Variants in MYO18B observed in about 807,000 individuals in gnomAD.
MYO18B encodes the protein unconventional myosin-XVIIIb.
MYO18B carries 204 observed loss-of-function variants against 273.0 expected under a neutral mutation model. The observed-to-expected ratio is 0.75, with a 90% CI of 0.67 to 0.84. The LOEUF (loss-of-function observed/expected upper bound fraction) is 0.84. Ranked by LOEUF, MYO18B falls within the 40% of genes least tolerant of loss-of-function variation. The pLI, the probability that MYO18B is intolerant of heterozygous loss-of-function variation, is 0.00. For synonymous variants in MYO18B, 1,330 were observed against 1,305.7 expected (o/e 1.02, Z -0.40); for missense variants, 3,212 against 3,287.6 (o/e 0.98, Z 0.56).
rs1465756028 is a variant in MYO18B, at chr22:25,828,944, C to G, written c.2955C>G (p.Val985=). ...LQLLFYQRTF[V]STLQRYQEEG... is the part of the protein sequence containing the mutation. ...TGCTGTTCTACCAGCGGACCTTTGT[C>G]TCCACGCTACAGCGATATCAAGAGG... The change falls in exon 15 of 44, where the codon GTC becomes GTG. Residue 985 remains valine, a synonymous_variant. Coordinates refer to ENST00000335473, the MANE Select transcript of MYO18B (RefSeq NM_032608.7). 4 of 1,613,888 alleles carry G rather than the reference C, an allele frequency of 2.5e-6. No individual in the cohort carries two copies. Among genetic ancestry groups the G allele is most frequent in the Non-Finnish European group, 3.4e-6 (4 of 1,179,912 alleles).
Position 25,828,848 on chromosome 22 carries a change from G to A in MYO18B, c.2859G>A (p.Arg953=), listed in dbSNP as rs774040962. The change falls in exon 15 of 44, where the codon CGG becomes CGA. Residue 953 remains arginine (R), a synonymous_variant. Transcript: ENST00000335473. ...VVDSPGFQNP[R]HQGKDRAATF... is the part of the protein sequence containing the mutation. ...ACTCTCCAGGCTTCCAGAACCCCCG[G>A]CACCAGGGCAAGGACCGGGCGGCCA... is the stretch of plus-strand genomic sequence containing the variant. The A allele has an allele frequency of 1.2e-6, 2 of 1,613,890 alleles. No homozygotes were observed. Among genetic ancestry groups the A allele is most frequent in the Non-Finnish European group, 1.7e-6 (2 of 1,179,872 alleles).
chr22:26,011,293 T>C (rs2146947167), intron 42 of MYO18B, among the ~76,000 whole-genome samples: 1 of 152,214 alleles, frequency 6.6e-6, no homozygotes, highest in African/African-American at 2.4e-5. Context: ...AATGCAAGCC[T>C]GAGTGAGCCT....
chr22:26,045,165 T>G, the MYO18B span, among the ~76,000 whole-genome samples: 2 of 152,114 alleles, frequency 1.3e-5, no homozygotes, highest in East Asian at 3.9e-4. Flanking sequence ...CTGCTTGCTC[T>G]CTTGTGTCTC....
intron 34 of MYO18B, among the ~76,000 whole-genome samples, chr22:25,931,924 A>G (rs533776081): frequency 1.3e-5 from 2 of 150,496 alleles, no homozygotes; most frequent in African/African-American, 4.9e-5. Flanking sequence ...TTTTGTAGAG[A>G]TGAGGTTTCA....
chr22:25,898,765 G>A (rs906425751), intron 29 of MYO18B: 6 of 304,022 alleles, frequency 2.0e-5, no homozygotes, highest in African/African-American at 4.3e-5. Context: ...TGTTGCAGAC[G>A]GTCAAGACAG....
downstream of MYO18B, among the ~76,000 whole-genome samples, chr22:26,032,707 G>C (rs9613088): frequency 1.3e-5 from 2 of 151,850 alleles, no homozygotes; most frequent in African/African-American, 4.8e-5. Flanking sequence ...TTTTTTAGTA[G>C]AGACAGTGTT....
At chr22:25,857,283 T>C (rs1405093086) in intron 21 of MYO18B, among the ~76,000 whole-genome samples, 10 of 152,208 alleles carry the variant, frequency 6.6e-5, no homozygotes, top group East Asian at 1.9e-4. Flanking sequence ...ATCTGATCGA[T>C]GTGAGGAAAC....
chr22:26,055,744 G>T, the MYO18B span, among the ~76,000 whole-genome samples: 1 of 152,288 alleles, frequency 6.6e-6, no homozygotes, highest in African/African-American at 2.4e-5. Context: ...AAGAGCAAGT[G>T]ATTTTTTTAA....
intron 42 of MYO18B, among the ~76,000 whole-genome samples, chr22:26,023,162 A>G (rs1338315938): frequency 6.7e-6 from 1 of 149,388 alleles, no homozygotes; most frequent in Non-Finnish European, 1.5e-5. Context: ...CTTTCTCTCC[A>G]TCTCATTTCA....
intron 25 of MYO18B, among the ~76,000 whole-genome samples, chr22:25,879,531 A>G (rs2091284107): frequency 6.6e-6 from 1 of 152,094 alleles, no homozygotes; most frequent in Non-Finnish European, 1.5e-5. Flanking sequence ...CGTATTCCCT[A>G]TGCCTTCTCT....
intron 12 of MYO18B, among the ~76,000 whole-genome samples, chr22:25,798,547 T>G (rs1028156840): frequency 6.6e-6 from 1 of 152,182 alleles, no homozygotes; most frequent in South Asian, 2.1e-4. Context: ...GTAAAGGTGC[T>G]GTGTTTTTTT....
rs568230633 is a variant in MYO18B, at chr22:25,843,765, C to G, written c.3239C>G (p.Pro1080Arg). The G allele has an allele frequency of 6.2e-7, 1 of 1,613,682 alleles. No individual in the cohort carries two copies. Among genetic ancestry groups the G allele is most frequent in the African/African-American group, 1.3e-5 (1 of 74,908 alleles). Residue 1080 changes from proline (P) to arginine (R), a missense_variant, in exon 18 of 44, where the codon CCC becomes CGC. Physicochemically the swap from Pro to Arg is moderately radical, Grantham distance 103. Transcript: ENST00000335473. Reference protein sequence around the residue: ...GSSALRTCEQPLQCEIFHQLG... With the variant: ...GSSALRTCEQRLQCEIFHQLG... The stretch of plus-strand genomic sequence containing the variant: ...TCTGCCCTGCGGACCTGTGAGCAGC[C>G]CCTCCAGTGTGAGATTTTCCACCAG...
In MYO18B at chr22:25,947,705, C is replaced by G. The variant is rs752914492; in HGVS notation, c.5632-7C>G. ...CCTTGCCTTGACCACTGATCTGCCT[C>G]CCCCAGGTGGATGAGCAGCTGTACA... On this transcript the variant is annotated splice_polypyrimidine_tract_variant and splice_region_variant and intron_variant, in intron 35 of 43. Coordinates refer to ENST00000335473, the MANE Select transcript of MYO18B (RefSeq NM_032608.7). 9 of 1,611,104 alleles carry G rather than the reference C, an allele frequency of 5.6e-6. No individual in the cohort carries two copies. Among genetic ancestry groups the G allele is most frequent in the Non-Finnish European group, 7.6e-6 (9 of 1,178,376 alleles).
At chr22:25,884,919 A>G (rs572684571) in intron 25 of MYO18B, 1 of 152,288 alleles carries the variant, frequency 6.6e-6, no homozygotes, top group African/African-American at 2.4e-5. Flanking sequence ...CAGTTATAAC[A>G]CTGCGTGCTA....
At chr22:26,031,828 C>G (rs1936675112), downstream of MYO18B, among the ~76,000 whole-genome samples, 1 of 152,322 alleles carries the variant, frequency 6.6e-6, no homozygotes, top group South Asian at 2.1e-4. Flanking sequence ...GTTGGTGGAA[C>G]AGTGGACCCT....
At chr22:25,959,163 G>T (rs1419802752) in intron 39 of MYO18B, 1 of 151,980 alleles carries the variant, frequency 6.6e-6, no homozygotes. Context: ...ACTGTGATTT[G>T]AGGGATTTTA....
At chr22:26,018,824 C>T (rs770965024) in intron 42 of MYO18B, among the ~76,000 whole-genome samples, 25 of 152,150 alleles carry the variant, frequency 1.6e-4, no homozygotes, top group Non-Finnish European at 3.2e-4. Context: ...GTGGTGGTGG[C>T]GAGCACCTGT....
At chr22:25,776,796 G>T (rs751230711) in intron 7 of MYO18B, among the ~76,000 whole-genome samples, 6 of 152,154 alleles carry the variant, frequency 3.9e-5, no homozygotes, top group Non-Finnish European at 7.3e-5. Context: ...GGGTTGTGGG[G>T]TTGTGGAGAG....
At chr22:25,788,911 T>A (rs1426286384) in intron 11 of MYO18B, among the ~76,000 whole-genome samples, 2 of 152,166 alleles carry the variant, frequency 1.3e-5, no homozygotes, top group Non-Finnish European at 2.9e-5. Flanking sequence ...GGGCCTCGAT[T>A]TTTTCCTTTT....
Sources: allele counts gnomAD v4.1 joint callset (sites outside exome capture counted in the v4.1 genomes callset), GRCh38; gene constraint gnomAD v4.1.1; transcripts MANE v1.5; gene names NCBI Gene and HGNC (gene_info 2026-07-23, HGNC 2026-07-21).